The following EIF3H variants were observed in gnomAD, a reference collection of about 807,000 sequenced individuals.
EIF3H encodes the protein eukaryotic translation initiation factor 3 subunit H, also known as eIF-3-gamma.
A neutral mutation model predicts 44.2 loss-of-function variants in EIF3H; 26 were observed. That is an observed-to-expected ratio of 0.59 (90% CI 0.43 to 0.82). The LOEUF (loss-of-function observed/expected upper bound fraction) is 0.82, where lower values mean the gene tolerates loss of function less well. Among genes scored for constraint, EIF3H ranks in the 40% least tolerant of loss-of-function variants. The pLI is 0.00. For missense variants in EIF3H, 359 were observed against 432.8 expected (o/e 0.83, Z 1.51); for synonymous variants, 166 against 151.9 (o/e 1.09, Z -0.68).
At chr8:116,756,687 G>C (rs550601397), upstream of EIF3H, among the ~76,000 whole-genome samples, 1 of 152,084 alleles carries the variant, frequency 6.6e-6, no homozygotes, top group African/African-American at 2.4e-5. Context: ...TTTTGTCATT[G>C]GGATCTGGTG....
At chr8:116,714,979 G>A (rs1814638171) in intron 2 of EIF3H, among the ~76,000 whole-genome samples, 1 of 152,082 alleles carries the variant, frequency 6.6e-6, no homozygotes, top group South Asian at 2.1e-4. Context: ...AAGCTGAGAA[G>A]GAAGGTGAGA....
chr8:116,683,528 T>G (rs1814025702), intron 2 of EIF3H, among the ~76,000 whole-genome samples: 1 of 152,208 alleles, frequency 6.6e-6, no homozygotes, highest in African/African-American at 2.4e-5. Flanking sequence ...CACTGAGGGT[T>G]AGAAATTTGA....
intron 7 of EIF3H, 26 bp from the exon 8 acceptor site, chr8:116,645,129 C>T: frequency 6.5e-7 from 1 of 1,537,744 alleles, no homozygotes. Flanking sequence ...AGAGATAGAG[C>T]CATAATGTTC....
chr8:116,694,576 T>C (rs150184401), intron 2 of EIF3H, among the ~76,000 whole-genome samples: 42 of 152,370 alleles, frequency 2.8e-4, no homozygotes, highest in African/African-American at 9.6e-4. Context: ...TTTACTTTTA[T>C]TTGTTTTAGG....
intron 2 of EIF3H, among the ~76,000 whole-genome samples, chr8:116,707,340 A>T (rs1814488249): frequency 1.3e-5 from 2 of 152,168 alleles, no homozygotes; most frequent in Admixed American, 6.5e-5. Flanking sequence ...TAAATATTTC[A>T]TATTTTAGTG....
rs1563659861 is a variant in EIF3H at position 116,743,792 on chromosome 8, ATATATAAACACACACAC to A, written c.132+11857_132+11873del. ...TACATATATATATATATATATATAT[ATATATAAACACACACAC>A]ACACACACACACACACACACACACA... On this transcript the variant is annotated intron_variant, in intron 1 of 7. Coordinates refer to ENST00000521861, the MANE Select transcript of EIF3H (RefSeq NM_003756.3). Among the ~76,000 whole-genome samples the A allele has an allele frequency of 2.3e-3, 206 of 89,472 alleles. 2 individuals carry two copies. The highest frequency in any genetic ancestry group is 8.6e-3 in the African/African-American group (196 of 22,816). The allele number at this position is 89,472 out of a possible 152,430, so 58.7% of individuals were successfully genotyped here.
At chr8:116,672,424 G>A (rs1355136516) in intron 2 of EIF3H, among the ~76,000 whole-genome samples, 3 of 152,152 alleles carry the variant, frequency 2.0e-5, no homozygotes, top group Admixed American at 6.5e-5. Flanking sequence ...CCATGAGTTC[G>A]AGACCAGCGC....
At chr8:116,703,005 C>T (rs1409368387) in intron 2 of EIF3H, among the ~76,000 whole-genome samples, 3 of 152,104 alleles carry the variant, frequency 2.0e-5, no homozygotes, top group East Asian at 1.9e-4. Context: ...ACAGGGTTAG[C>T]GTGTGGGCGG....
chr8:116,659,006 A>G (rs760804986), intron 2 of EIF3H, 26 bp from the exon 3 acceptor site: 1 of 1,564,770 alleles, frequency 6.4e-7, no homozygotes, highest in South Asian at 1.2e-5. Context: ...GAGGAAATTA[A>G]AAGAAAAAAC....
chr8:116,750,691 G>C (rs553804381), intron 1 of EIF3H, among the ~76,000 whole-genome samples: 2 of 151,774 alleles, frequency 1.3e-5, no homozygotes, highest in African/African-American at 4.8e-5. Context: ...GATTACAGGC[G>C]TGAGCCACCA....
chr8:116,650,190 A>T (rs117115184), intron 5 of EIF3H, among the ~76,000 whole-genome samples: 1,789 of 152,342 alleles, frequency 0.012, 93 homozygotes, highest in Admixed American at 0.092. Flanking sequence ...ATGCAAATAG[A>T]CTGGAGAGGA....
At chr8:116,690,557 AG>A (rs1814157222) in intron 2 of EIF3H, among the ~76,000 whole-genome samples, 1 of 152,128 alleles carries the variant, frequency 6.6e-6, no homozygotes, top group Non-Finnish European at 1.5e-5. Context: ...CAATTTGAAA[AG>A]AAGTTCTAAC....
At chr8:116,689,431 G>C (rs184625253) in intron 2 of EIF3H, among the ~76,000 whole-genome samples, 1 of 152,142 alleles carries the variant, frequency 6.6e-6, no homozygotes, top group East Asian at 1.9e-4. Context: ...CAATAAAACT[G>C]TCAAAAAATA....
intron 5 of EIF3H, among the ~76,000 whole-genome samples, chr8:116,654,953 A>G (rs1291321256): frequency 6.6e-6 from 1 of 151,702 alleles, no homozygotes; most frequent in Non-Finnish European, 1.5e-5. Context: ...TAGAAATCTG[A>G]TAAATAATTT....
chr8:116,755,963 G>C (rs765046847), upstream of EIF3H: 2 of 1,536,338 alleles, frequency 1.3e-6, no homozygotes, highest in South Asian at 2.4e-5. Context: ...TTCTTTCCAG[G>C]CGGTATCCTT....
chr8:116,750,473 A>ATC (rs1815313308), intron 1 of EIF3H, among the ~76,000 whole-genome samples: 1 of 147,976 alleles, frequency 6.8e-6, no homozygotes, highest in African/African-American at 2.5e-5. Flanking sequence ...GCAGTGGTGC[A>ATC]ATCTCGGCTC....
chr8:116,657,586 G>T, intron 3 of EIF3H: 1 of 410,048 alleles, frequency 2.4e-6, no homozygotes, highest in Non-Finnish European at 4.4e-6. Flanking sequence ...TCATTCCTCA[G>T]CAAGAACTAG....
chr8:116,765,869 TGATTTAG>T (rs1333539360), exon 1 of EIF3H: 1 of 152,058 alleles, frequency 6.6e-6, no homozygotes, highest in Admixed American at 6.5e-5. Context: ...TCCATGCGAG[TGATTTAG>T]GATGGTCCTA....
At chr8:116,666,570 G>C (rs1453753330) in intron 2 of EIF3H, among the ~76,000 whole-genome samples, 1 of 151,684 alleles carries the variant, frequency 6.6e-6, no homozygotes, top group Non-Finnish European at 1.5e-5. Context: ...GGAAGATAGA[G>C]AGCCATCAGG....
Sources: allele counts gnomAD v4.1 joint callset (sites outside exome capture counted in the v4.1 genomes callset), GRCh38; gene constraint gnomAD v4.1.1; transcripts MANE v1.5; gene names NCBI Gene and HGNC (gene_info 2026-07-23, HGNC 2026-07-21).